The following ZNF19 variants were observed in gnomAD, a reference collection of about 807,000 sequenced individuals.
The protein encoded by ZNF19 is zinc finger protein 19 (KOX 12).
In ZNF19, 11 loss-of-function variants were observed where a neutral mutation model predicts 13.1. The ratio of observed to expected loss-of-function variants is 0.84; its 90% CI spans 0.53 to 1.39. The LOEUF (loss-of-function observed/expected upper bound fraction) is 1.39. Among genes scored for constraint, ZNF19 ranks in the 40% most tolerant of loss-of-function variants. The pLI, the probability that ZNF19 is intolerant of heterozygous loss-of-function variation, is 0.00. For missense variants in ZNF19, 560 were observed against 547.0 expected, an observed-to-expected ratio of 1.02 and a Z score of -0.24; for synonymous variants, 186 against 187.0, an observed-to-expected ratio of 0.99 and a Z score of 0.04.
chr16:71,482,318 G>C lies in ZNF19; in HGVS notation c.-29-175C>G. 1.0e-5 allele frequency: 6 copies of C among 598,690 alleles called. No individual in the cohort carries two copies. The South Asian group carries it at 1.2e-4, about 12-fold the overall frequency. 37.1% of individuals were successfully genotyped at this position (598,690 alleles called of 1,614,324 possible). On this transcript the variant is annotated intron_variant, in intron 2 of 5. Transcript: ENST00000288177. ...CATACCATGAGGTTTGTAATTCTGA[G>C]GAAACAGATTTTGAAAGAATAAGTA...
chr16:71,485,779 A>C (rs1361434014), intron 1 of ZNF19, among the ~76,000 whole-genome samples: 1 of 152,192 alleles, frequency 6.6e-6, no homozygotes, highest in South Asian at 2.1e-4. Flanking sequence ...CAATTCATCA[A>C]TGCAGAGTAT....
At position 71,475,836 on chromosome 16, in the gene ZNF19, T is replaced by C. The variant is rs145400322; in HGVS notation, c.711A>G (p.Arg237=). The C allele has an allele frequency of 9.5e-5, 154 of 1,614,074 alleles. No homozygotes were observed. Among genetic ancestry groups the C allele is most frequent in the Non-Finnish European group, 1.2e-4 (144 of 1,180,016 alleles). The change falls in exon 6 of 6, where the codon AGA becomes AGG. Residue 237 remains arginine (R), a synonymous_variant. Transcript: ENST00000288177. ...AATAGGGTCTGTCCCCACTGTGGAT[T>C]CTCTGATGCCTGATCAGATTTGCAT... ...NDNANLIRHQ[R]IHSGDRPYYC... is the part of the protein sequence containing the mutation.
At position 71,475,806 on chromosome 16, in the gene ZNF19, A is replaced by G. The variant is rs1364891021; in HGVS notation, c.741T>C (p.Cys247=). The G allele has an allele frequency of 1.2e-6, 2 of 1,612,918 alleles. No homozygotes were observed. Among genetic ancestry groups the G allele is most frequent in the Admixed American group, 1.7e-5 (1 of 59,994 alleles). ...TCGTGAAACTATTCCCACACTCTGT[A>G]CAGTAATAGGGTCTGTCCCCACTGT... is the stretch of plus-strand genomic sequence containing the variant. ...RIHSGDRPYY[C]TECGNSFTSS... Residue 247 remains cysteine, a synonymous_variant, in exon 6 of 6, where the codon TGT becomes TGC. Transcript: ENST00000288177.
At chr16:71,477,961 C>T (rs2043612752) in intron 5 of ZNF19, 1 of 375,088 alleles carries the variant, frequency 2.7e-6, no homozygotes, top group Admixed American at 4.2e-5. Context: ...TCAAAAACTG[C>T]TCCTGAATAA....
At chr16:71,486,707 TA>T (rs1369594323) in intron 1 of ZNF19, among the ~76,000 whole-genome samples, 1 of 152,192 alleles carries the variant, frequency 6.6e-6, no homozygotes, top group African/African-American at 2.4e-5. Flanking sequence ...AATAGAAAAT[TA>T]ATAGACACAC....
Position 71,475,699 on chromosome 16 carries a change from AC to A in ZNF19, c.847del (p.Val283LeufsTer34). On this transcript the variant is annotated frameshift_variant, in exon 6 of 6. Transcript: ENST00000288177. LOFTEE classifies it low-confidence loss of function (END_TRUNC). Reference protein sequence around the residue: ...YECNECGKAFVGNSPLLRHQK... With the variant: ...YECNECGKAFXGNSPLLRHQK... ...ATGCCGAAGTAGGGGTGAATTACCAACAAAAGCTTTGCCACACTCATTACAC... is the reference window on the plus strand; with the variant it reads ...ATGCCGAAGTAGGGGTGAATTACCAAAAAAGCTTTGCCACACTCATTACAC... 6.2e-7 allele frequency: 1 copy of A among 1,612,246 alleles called. No homozygotes were observed. The highest frequency in any genetic ancestry group is 1.3e-5 in the African/African-American group (1 of 74,870).
chr16:71,484,827 A>T (rs774665453), intron 1 of ZNF19, 79 bp from the exon 2 acceptor site: 2 of 703,788 alleles, frequency 2.8e-6, no homozygotes, highest in Non-Finnish European at 3.5e-6. Flanking sequence ...TGTTGGCAAC[A>T]AACTACTGTA....
chr16:71,482,648 T>C (rs910794990), intron 2 of ZNF19, among the ~76,000 whole-genome samples: 1 of 152,118 alleles, frequency 6.6e-6, no homozygotes, highest in East Asian at 1.9e-4. Flanking sequence ...AGCTGGTGAA[T>C]GGATGAACTC....
At position 71,474,967 on chromosome 16, in the gene ZNF19, G is replaced by A. The variant is rs1442902864; in HGVS notation, c.*203C>T. ...TTCTTCTCAGCATTAAAACCAATGGGGGTGGGCGGGGGGAGAGTATTTGTT... is the reference window on the plus strand; with the variant it reads ...TTCTTCTCAGCATTAAAACCAATGGAGGTGGGCGGGGGGAGAGTATTTGTT... On this transcript the variant is annotated 3_prime_UTR_variant, in exon 6 of 6. Coordinates refer to ENST00000288177, the MANE Select transcript of ZNF19 (RefSeq NM_006961.4). 6.4e-6 allele frequency: 4 copies of A among 622,152 alleles called. No homozygotes were observed. Among genetic ancestry groups the A allele is most frequent in the Non-Finnish European group, 1.1e-5 (4 of 372,738 alleles). The allele number at this position is 622,152 out of a possible 1,614,324, so 38.5% of individuals were successfully genotyped here. A position where few individuals can be genotyped will look rare whatever the true frequency, so the allele number is the denominator to read the frequency against.
chr16:71,481,430 A>G (rs1249655575), intron 3 of ZNF19, among the ~76,000 whole-genome samples: 1 of 152,246 alleles, frequency 6.6e-6, no homozygotes, highest in African/African-American at 2.4e-5. Context: ...AATGTAAGGT[A>G]CTTATGTTCA....
In ZNF19 at chr16:71,474,906, G is replaced by T; in HGVS notation, c.*264C>A. ...CAATTCTCAGATGCATTTTTGCTGT[G>T]TGGACTTCATTCTCACCTCTGTAAG... On this transcript the variant is annotated 3_prime_UTR_variant, in exon 6 of 6. Coordinates refer to ENST00000288177, the MANE Select transcript of ZNF19 (RefSeq NM_006961.4). 2 of 426,082 alleles carry T rather than the reference G, an allele frequency of 4.7e-6. No homozygotes were observed. The highest frequency in any genetic ancestry group is 4.1e-6 in the Non-Finnish European group (1 of 240,980). 26.4% of individuals were successfully genotyped at this position (426,082 alleles called of 1,614,324 possible).
chr16:71,482,066 G>A lies in ZNF19; in HGVS notation c.33+16C>T. The stretch of plus-strand genomic sequence containing the variant: ...TCAGACCTCCATAGAGCTGACCTCA[G>A]GGATCCACAGCTCACCTGGTATTGA... On this transcript the variant is annotated intron_variant, in intron 3 of 5. Coordinates refer to ENST00000288177, the MANE Select transcript of ZNF19 (RefSeq NM_006961.4). 1 of 1,614,078 alleles carries A rather than the reference G, an allele frequency of 6.2e-7. No homozygotes were observed. Among genetic ancestry groups the A allele is most frequent in the Non-Finnish European group, 8.5e-7 (1 of 1,179,958 alleles).
chr16:71,484,249 C>A (rs1002223319), intron 2 of ZNF19, among the ~76,000 whole-genome samples: 3 of 152,274 alleles, frequency 2.0e-5, no homozygotes, highest in Non-Finnish European at 4.4e-5. Flanking sequence ...ACCGCTGCAT[C>A]CCCGGAATCT....
At position 71,475,404 on chromosome 16, in the gene ZNF19, C is replaced by G; in HGVS notation, c.1143G>C (p.Gln381His). 6.2e-7 allele frequency: 1 copy of G among 1,614,098 alleles called. No homozygotes were observed. The highest frequency in any genetic ancestry group is 8.5e-7 in the Non-Finnish European group (1 of 1,180,004). The part of the protein sequence containing the change: ...QLKRHLRIHT[Q>H]ESSYVCDECG... ...ACTCATCACATACATAGGAAGACTC[C>G]TGAGTATGAATTCTCAGATGCCTTT... The change falls in exon 6 of 6, where the codon CAG becomes CAC. Residue 381 changes from glutamine to histidine, a missense_variant. Transcript: ENST00000288177.
intron 1 of ZNF19, chr16:71,489,054 T>TG: frequency 5.6e-6 from 1 of 178,404 alleles, no homozygotes; most frequent in Non-Finnish European, 1.1e-5. Context: ...CTCCCATCCT[T>TG]GGGGGGCTCT....
At chr16:71,485,158 C>T (rs554409895) in intron 1 of ZNF19, among the ~76,000 whole-genome samples, 1 of 152,046 alleles carries the variant, frequency 6.6e-6, no homozygotes, top group South Asian at 2.1e-4. Context: ...TAAGAAAGAC[C>T]AGGTCAGCAG....
At chr16:71,479,192 C>T in intron 3 of ZNF19, 187 bp from the exon 4 acceptor site, 1 of 664,470 alleles carries the variant, frequency 1.5e-6, no homozygotes, top group East Asian at 2.8e-5. Flanking sequence ...GAACTTCTCT[C>T]ACTACCAGAA....
At chr16:71,483,240 C>T (rs1180419674) in intron 2 of ZNF19, among the ~76,000 whole-genome samples, 1 of 152,200 alleles carries the variant, frequency 6.6e-6, no homozygotes, top group South Asian at 2.1e-4. Context: ...CCCTGAAGGG[C>T]CAACTCAACA....
chr16:71,484,878 G>T (rs1422865858), intron 1 of ZNF19, 130 bp from the exon 2 acceptor site: 3 of 277,660 alleles, frequency 1.1e-5, no homozygotes, highest in African/African-American at 2.3e-5. Context: ...AGAAATCACA[G>T]ATATTTTCAT....
Sources: allele counts gnomAD v4.1 joint callset (sites outside exome capture counted in the v4.1 genomes callset), GRCh38; gene constraint gnomAD v4.1.1; transcripts MANE v1.5; gene names NCBI Gene and HGNC (gene_info 2026-07-23, HGNC 2026-07-21).